SPEF2: variants seen among roughly 807,000 people sequenced by gnomAD.
The protein encoded by SPEF2 is sperm flagella and cilia-associated protein 2.
Under a neutral mutation model 224.6 loss-of-function variants are expected in SPEF2, and 187 were observed. The observed-to-expected ratio is 0.83, with a 90% CI of 0.74 to 0.94. The LOEUF (loss-of-function observed/expected upper bound fraction) is 0.94. Ranked by LOEUF, SPEF2 falls within the 40% of genes least tolerant of loss-of-function variation. The probability of loss-of-function intolerance (pLI) is 0.00; values close to 1 mark genes in which losing one functional copy is unlikely to be tolerated. For synonymous variants in SPEF2, 715 were observed against 707.3 expected (o/e 1.01, Z -0.17); for missense variants, 2,170 against 2,135.6 (o/e 1.02, Z -0.32).
At chr5:35,656,655 C>T (rs771153984) in intron 7 of SPEF2, among the ~76,000 whole-genome samples, 3 of 152,098 alleles carry the variant, frequency 2.0e-5, no homozygotes, top group Non-Finnish European at 4.4e-5. Context: ...CTGGCGTTTG[C>T]CTGGAAAATG....
chr5:35,656,952 T>C (rs1232812986), intron 7 of SPEF2, among the ~76,000 whole-genome samples: 1 of 152,218 alleles, frequency 6.6e-6, no homozygotes, highest in Non-Finnish European at 1.5e-5. Flanking sequence ...GAGCCCAGGC[T>C]CCTGTGCAAC....
chr5:35,656,808 A>G (rs896312372), intron 7 of SPEF2, among the ~76,000 whole-genome samples: 1 of 152,256 alleles, frequency 6.6e-6, no homozygotes, highest in African/African-American at 2.4e-5. Context: ...AGGGCTCTAT[A>G]TATTTCCATC....
At chr5:35,744,416 C>G (rs1748142193) in intron 23 of SPEF2, among the ~76,000 whole-genome samples, 1 of 152,156 alleles carries the variant, frequency 6.6e-6, no homozygotes, top group Non-Finnish European at 1.5e-5. Context: ...CTTTTTATCC[C>G]TGGTAATATT....
chr5:35,698,927 C>T (rs955437411), intron 15 of SPEF2: 1 of 152,196 alleles, frequency 6.6e-6, no homozygotes, highest in Non-Finnish European at 1.5e-5. Context: ...AATTCTCTTT[C>T]CCATCTTAGG....
At chr5:35,732,757 C>A (rs941064527) in intron 21 of SPEF2, among the ~76,000 whole-genome samples, 2 of 152,138 alleles carry the variant, frequency 1.3e-5, no homozygotes, top group African/African-American at 4.8e-5. Context: ...TACTTGGAGA[C>A]AGAGGCATAA....
intron 29 of SPEF2, among the ~76,000 whole-genome samples, chr5:35,778,234 G>A (rs533020363): frequency 2.6e-5 from 4 of 152,218 alleles, no homozygotes; most frequent in African/African-American, 7.2e-5. Flanking sequence ...CTTCAATACA[G>A]CGATAATGCA....
intron 20 of SPEF2, among the ~76,000 whole-genome samples, chr5:35,719,792 T>A (rs914494214): frequency 6.6e-6 from 1 of 152,128 alleles, no homozygotes; most frequent in Admixed American, 6.5e-5. Context: ...CAGCTAATTT[T>A]TGTATTTTTA....
At chr5:35,661,579 C>T (rs1479126112) in intron 8 of SPEF2, among the ~76,000 whole-genome samples, 2 of 151,722 alleles carry the variant, frequency 1.3e-5, no homozygotes, top group African/African-American at 4.8e-5. Context: ...CTCCTCCCAC[C>T]CTCCACCCTC....
At chr5:35,750,838 T>C (rs1231310090) in intron 23 of SPEF2, among the ~76,000 whole-genome samples, 1 of 151,172 alleles carries the variant, frequency 6.6e-6, no homozygotes. Context: ...AGCAATCCTA[T>C]TATTGGGTAT....
chr5:35,771,075 G>A (rs1403846385), intron 26 of SPEF2, among the ~76,000 whole-genome samples: 2 of 151,866 alleles, frequency 1.3e-5, no homozygotes, highest in Non-Finnish European at 2.9e-5. Context: ...ATGAATATAT[G>A]TATGAAGAAA....
chr5:35,619,141 C>T (rs971922740), intron 1 of SPEF2, among the ~76,000 whole-genome samples: 2 of 151,802 alleles, frequency 1.3e-5, no homozygotes, highest in African/African-American at 4.8e-5. Flanking sequence ...TGTCAAATAA[C>T]CATCTACACA....
At chr5:35,764,545 C>T (rs934573675) in intron 26 of SPEF2, 7 of 455,970 alleles carry the variant, frequency 1.5e-5, no homozygotes, top group Non-Finnish European at 3.1e-5. Flanking sequence ...CTGCCAGGTC[C>T]TGGGTCTACC....
chr5:35,707,698 A>G (rs933406896), intron 18 of SPEF2, among the ~76,000 whole-genome samples: 4 of 152,156 alleles, frequency 2.6e-5, no homozygotes, highest in Admixed American at 6.5e-5. Context: ...CATCACAATG[A>G]TGGGAGCCTA....
chr5:35,788,720 C>T, intron 30 of SPEF2: 1 of 702,984 alleles, frequency 1.4e-6, no homozygotes, highest in Non-Finnish European at 2.6e-6. Flanking sequence ...CGAGGTGGCC[C>T]TACTATTAAG....
At chr5:35,743,508 T>C (rs1748006517) in intron 23 of SPEF2, among the ~76,000 whole-genome samples, 2 of 152,172 alleles carry the variant, frequency 1.3e-5, no homozygotes, top group Admixed American at 1.3e-4. Flanking sequence ...ATAACATTTT[T>C]AGCAGTGGAT....
At chr5:35,763,483 C>CA in intron 25 of SPEF2, 39 bp from the exon 26 acceptor site, 1 of 1,495,922 alleles carries the variant, frequency 6.7e-7, no homozygotes, top group Non-Finnish European at 8.9e-7. Context: ...TTTTGTTAAG[C>CA]AAAATTTTTT....
chr5:35,800,010 C>A lies in SPEF2; in HGVS notation c.4873C>A (p.Gln1625Lys). 1 of 1,614,042 alleles carries A rather than the reference C, an allele frequency of 6.2e-7. No individual in the cohort carries two copies. The highest frequency in any genetic ancestry group is 8.5e-7 in the Non-Finnish European group (1 of 1,179,996). ...TGCTGACTATGAGAAGGATCCACCC[C>A]AGCTTGACTACACACAGATGCTGCT... ...LFADYEKDPP[Q>K]LDYTQMLLYF... is the part of the protein sequence containing the mutation. The change falls in exon 34 of 37, where the codon CAG (glutamine) becomes AAG (lysine). Residue 1625 changes from glutamine (Q) to lysine (K), a missense_variant. Physicochemically the swap from Gln to Lys is moderately conservative, Grantham distance 53. Transcript: ENST00000356031.
intron 20 of SPEF2, among the ~76,000 whole-genome samples, chr5:35,726,960 C>G (rs1302168624): frequency 6.7e-6 from 1 of 149,418 alleles, no homozygotes; most frequent in African/African-American, 2.5e-5. Flanking sequence ...TAGACCTCCT[C>G]TTTCTCGTTT....
intron 30 of SPEF2, among the ~76,000 whole-genome samples, chr5:35,786,700 AT>A (rs1409669312): frequency 1.3e-5 from 2 of 152,090 alleles, no homozygotes; most frequent in South Asian, 4.1e-4. Context: ...TTAGACCCAA[AT>A]AAGGTATGAA....
Sources: allele counts gnomAD v4.1 joint callset (sites outside exome capture counted in the v4.1 genomes callset), GRCh38; gene constraint gnomAD v4.1.1; transcripts MANE v1.5; gene names NCBI Gene and HGNC (gene_info 2026-07-23, HGNC 2026-07-21).